The following STUM variants were observed in gnomAD, a reference collection of about 807,000 sequenced individuals.
The protein encoded by STUM is protein stum homolog.
Under a neutral mutation model 15.3 loss-of-function variants are expected in STUM, and 8 were observed. That is an observed-to-expected ratio of 0.52 (90% CI 0.31 to 0.94). The LOEUF is 0.94. Ranked by LOEUF, STUM falls within the 40% of genes least tolerant of loss-of-function variation. The pLI, the probability that STUM is intolerant of heterozygous loss-of-function variation, is 0.05. For missense variants in STUM, 142 were observed against 204.9 expected (o/e 0.69, Z 1.87); for synonymous variants, 78 against 88.7 (o/e 0.88, Z 0.68).
In STUM at chr1:226,606,511, G is replaced by A. The variant is rs1275977911; in HGVS notation, c.*4471G>A. On this transcript the variant is annotated 3_prime_UTR_variant, in exon 4 of 4. Coordinates refer to ENST00000366788, the MANE Select transcript of STUM (RefSeq NM_001003665.4). The stretch of plus-strand genomic sequence containing the variant: ...CCTGAGCATTGCATAAATGCTTGGG[G>A]GCGTGTCATTTAAATGGAAGTTCTC... 1 of 152,212 alleles carries A rather than the reference G, an allele frequency of 6.6e-6. No homozygotes were observed. The highest frequency in any genetic ancestry group is 1.9e-4 in the East Asian group (1 of 5,184). 9.4% of individuals were successfully genotyped at this position (152,212 alleles called of 1,614,324 possible). A position where few individuals can be genotyped will look rare whatever the true frequency, so the allele number is the denominator to read the frequency against.
At chr1:226,575,014 T>C (rs1391892723) in intron 1 of STUM, among the ~76,000 whole-genome samples, 1 of 152,140 alleles carries the variant, frequency 6.6e-6, no homozygotes, top group Non-Finnish European at 1.5e-5. Flanking sequence ...GGCTGCTGGC[T>C]CCATCCCAGA....
intron 1 of STUM, among the ~76,000 whole-genome samples, chr1:226,589,462 T>C (rs1668050279): frequency 2.0e-5 from 3 of 152,124 alleles, no homozygotes; most frequent in African/African-American, 7.2e-5. Flanking sequence ...CCGGAGCTCC[T>C]TGGGGAAGCT....
At chr1:226,574,610 C>T (rs2102697140) in intron 1 of STUM, among the ~76,000 whole-genome samples, 1 of 152,354 alleles carries the variant, frequency 6.6e-6, no homozygotes, top group African/African-American at 2.4e-5. Context: ...CACCCAAATT[C>T]ATGGCCTGAG....
chr1:226,574,333 T>C (rs1667769058), intron 1 of STUM, among the ~76,000 whole-genome samples: 1 of 152,244 alleles, frequency 6.6e-6, no homozygotes, highest in Admixed American at 6.5e-5. Context: ...AGTGAGATCA[T>C]GTAGTTTTTA....
intron 1 of STUM, among the ~76,000 whole-genome samples, chr1:226,563,564 G>A (rs1033582307): frequency 6.6e-6 from 1 of 152,246 alleles, no homozygotes. Context: ...CCATGGATCT[G>A]AGCAGGCTGC....
chr1:226,565,411 G>T lies in STUM; in HGVS notation c.202+16305G>T, dbSNP rs1161473906. 6.6e-6 allele frequency among the ~76,000 whole-genome samples: 1 copy of T among 152,156 alleles called. No individual in the cohort carries two copies. The highest frequency in any genetic ancestry group is 2.4e-5 in the African/African-American group (1 of 41,410). On this transcript the variant is annotated intron_variant, in intron 1 of 3. Coordinates refer to ENST00000366788, the MANE Select transcript of STUM (RefSeq NM_001003665.4). This position sits in a 1 kb window ranked among gnomAD's most constrained non-coding sequence, Gnocchi z 4.4. Reference sequence around the variant, plus strand: ...TGTTTTTAGCACCCCTGACTAGACTGTGGGGTCCTGAACCACCAGCCTTGG... The same window carrying T: ...TGTTTTTAGCACCCCTGACTAGACTTTGGGGTCCTGAACCACCAGCCTTGG...
At chr1:226,597,840 G>A (rs905047175) in intron 2 of STUM, among the ~76,000 whole-genome samples, 6 of 152,168 alleles carry the variant, frequency 3.9e-5, no homozygotes, top group African/African-American at 1.4e-4. Flanking sequence ...GGAGGAAGTG[G>A]GTCAGCTGCA....
At position 226,552,070 on chromosome 1, in the gene STUM, G is replaced by T. The variant is rs1428554991; in HGVS notation, c.202+2964G>T. Among the ~76,000 whole-genome samples, 1 of 152,142 alleles carries T rather than the reference G, an allele frequency of 6.6e-6. No individual in the cohort carries two copies. The highest frequency in any genetic ancestry group is 2.4e-5 in the African/African-American group (1 of 41,412). On this transcript the variant is annotated intron_variant, in intron 1 of 3. Transcript: ENST00000366788. The surrounding 1 kb of genome is among the most constrained non-coding windows in gnomAD (Gnocchi z 4.7). ...AGAGGGCAGTTTTTGCTGAATGAAG[G>T]CTCGTTTTTTATTTTTATTTTTTCC...
chr1:226,586,478 G>A (rs567394504), intron 1 of STUM, among the ~76,000 whole-genome samples: 1 of 152,286 alleles, frequency 6.6e-6, no homozygotes, highest in Admixed American at 6.5e-5. Context: ...CCGGGCATTA[G>A]CCTGCATGTC....
chr1:226,569,689 G>A (rs1009891466), intron 1 of STUM, among the ~76,000 whole-genome samples: 1 of 152,106 alleles, frequency 6.6e-6, no homozygotes, highest in Non-Finnish European at 1.5e-5. Flanking sequence ...ACACTCCTGG[G>A]GAAGCTCAAT....
At position 226,600,623 on chromosome 1, in the gene STUM, C is replaced by G. The variant is rs751146829; in HGVS notation, c.383-43C>G. 6.2e-7 allele frequency: 1 copy of G among 1,609,432 alleles called. No homozygotes were observed. Among genetic ancestry groups the G allele is most frequent in the South Asian group, 1.1e-5 (1 of 91,072 alleles). On this transcript the variant is annotated intron_variant, in intron 2 of 3. Transcript: ENST00000366788. The surrounding 1 kb of genome is among the most constrained non-coding windows in gnomAD (Gnocchi z 5.2). The stretch of plus-strand genomic sequence containing the variant: ...CAGGCTGTGTTTTCTCTTCTTCTCT[C>G]TCTCCTCTTCCTCCTGCTGCCTCCC...
At chr1:226,593,894 C>T (rs1668129287) in intron 1 of STUM, among the ~76,000 whole-genome samples, 1 of 152,160 alleles carries the variant, frequency 6.6e-6, no homozygotes, top group Non-Finnish European at 1.5e-5. Flanking sequence ...CCGTAGATCT[C>T]AGGTGGGACC....
rs570814509 is a variant in STUM at position 226,596,093 on chromosome 1, A to G, written c.203-709A>G. Among the ~76,000 whole-genome samples the G allele has an allele frequency of 2.6e-5, 4 of 152,306 alleles. No homozygotes were observed. In the South Asian group the frequency reaches 8.3e-4, roughly 32 times the overall value. The stretch of plus-strand genomic sequence containing the variant: ...GTTACCCATAGGGGCTGAGTCTTAG[A>G]CAAGGTGAAGAATGTGACCGCACCC... On this transcript the variant is annotated intron_variant, in intron 1 of 3. Transcript: ENST00000366788.
chr1:226,578,357 A>G (rs912460210), intron 1 of STUM, among the ~76,000 whole-genome samples: 5 of 100,760 alleles, frequency 5.0e-5, no homozygotes, highest in Non-Finnish European at 7.7e-5. Context: ...CCCAACCCCC[A>G]GCTTTTTTTT....
Position 226,607,008 on chromosome 1 carries a change from TG to T in STUM, c.*4972del, listed in dbSNP as rs1249719660. On this transcript the variant is annotated 3_prime_UTR_variant, in exon 4 of 4. Coordinates refer to ENST00000366788, the MANE Select transcript of STUM (RefSeq NM_001003665.4). ...GCTGCAAGGTGAGCAGAGGCAGGCG[TG>T]GGGACACACTCTTCAAGGACTGCAC... is the stretch of plus-strand genomic sequence containing the variant. The T allele has an allele frequency of 5.2e-5, 8 of 152,396 alleles. No individual in the cohort carries two copies. Among genetic ancestry groups the T allele is most frequent in the African/African-American group, 1.9e-4 (8 of 41,470 alleles). 9.4% of individuals were successfully genotyped at this position (152,396 alleles called of 1,614,324 possible). A position where few individuals can be genotyped will look rare whatever the true frequency, so the allele number is the denominator to read the frequency against.
intron 1 of STUM, among the ~76,000 whole-genome samples, chr1:226,572,812 C>T (rs1017543410): frequency 7.2e-5 from 11 of 152,224 alleles, no homozygotes; most frequent in African/African-American, 2.2e-4. Flanking sequence ...TTCTGTTTCA[C>T]GGGACCAGGC....
chr1:226,592,070 T>C (rs1668095393), intron 1 of STUM, among the ~76,000 whole-genome samples: 1 of 152,178 alleles, frequency 6.6e-6, no homozygotes, highest in South Asian at 2.1e-4. Flanking sequence ...TGTTTTATGA[T>C]GGAGTCTCAC....
chr1:226,594,307 G>T (rs1403278442), intron 1 of STUM, among the ~76,000 whole-genome samples: 1 of 152,216 alleles, frequency 6.6e-6, no homozygotes, highest in Non-Finnish European at 1.5e-5. Context: ...GGAAAATAAG[G>T]CAGGGTCAGT....
At chr1:226,578,450 C>T (rs1476657675) in intron 1 of STUM, among the ~76,000 whole-genome samples, 3 of 149,718 alleles carry the variant, frequency 2.0e-5, no homozygotes, top group South Asian at 2.1e-4. Context: ...CTTGCAGCCT[C>T]GACTGTCTGG....
Sources: gnomAD v4.1 joint callset for allele counts (sites outside exome capture counted in the v4.1 genomes callset) on GRCh38, gnomAD v4.1.1 for gene constraint, Gnocchi (gnomAD v3.1) non-coding constraint, MANE v1.5 for transcripts, NCBI Gene and HGNC (gene_info 2026-07-23, HGNC 2026-07-21) for gene names.